The following AEBP2 variants were observed in gnomAD, a reference collection of about 807,000 sequenced individuals.
AEBP2 encodes zinc finger protein AEBP2.
AEBP2 carries 10 observed loss-of-function variants against 50.8 expected under a neutral mutation model. That is an observed-to-expected ratio of 0.20 (90% CI 0.12 to 0.33). AEBP2 has a LOEUF of 0.33. AEBP2 is among the 10% of genes least tolerant of loss of function. AEBP2 has a pLI of 1.00. For missense variants in AEBP2, 570 were observed against 688.0 expected, an observed-to-expected ratio of 0.83 and a Z score of 1.92; for synonymous variants, 296 against 261.3, an observed-to-expected ratio of 1.13 and a Z score of -1.28.
intron 1 of AEBP2, among the ~76,000 whole-genome samples, chr12:19,449,523 T>TTCCATAGACTATATTTCATCATTGTTGC (rs1948129759): frequency 1.3e-5 from 2 of 152,220 alleles, no homozygotes; most frequent in Non-Finnish European, 2.9e-5. Flanking sequence ...CCTACTTGTT[T>TTCCATAGACTATATTTCATCATTGTTGC]TCCATAGACT....
intron 1 of AEBP2, chr12:19,413,102 G>A (rs920633237): frequency 6.2e-6 from 4 of 644,874 alleles, no homozygotes; most frequent in African/African-American, 3.6e-5. Context: ...CAGCCGGGCC[G>A]AATTCAGTTT....
intron 1 of AEBP2, among the ~76,000 whole-genome samples, chr12:19,448,877 C>T (rs991182866): frequency 3.9e-5 from 6 of 151,918 alleles, no homozygotes; most frequent in African/African-American, 9.7e-5. Context: ...ATGGGGTCTC[C>T]GTGTGTTGCC....
chr12:19,430,479 G>A (rs562231702), intron 1 of AEBP2, among the ~76,000 whole-genome samples: 9 of 152,188 alleles, frequency 5.9e-5, no homozygotes, highest in East Asian at 1.9e-4. Context: ...GGTTCCATAC[G>A]GATTTTAAAG....
At chr12:19,465,351 G>T (rs958651157) in intron 2 of AEBP2, among the ~76,000 whole-genome samples, 2 of 151,860 alleles carry the variant, frequency 1.3e-5, no homozygotes, top group Non-Finnish European at 2.9e-5. Flanking sequence ...CTGAGATCAC[G>T]CCACTGCACT....
chr12:19,437,987 T>A (rs375631545), upstream of AEBP2, among the ~76,000 whole-genome samples: 140 of 152,328 alleles, frequency 9.2e-4, no homozygotes, highest in African/African-American at 3.2e-3. Flanking sequence ...GGCCTGAAAA[T>A]GTGTCCTTGG....
chr12:19,418,569 A>G (rs1243058320), intron 1 of AEBP2, among the ~76,000 whole-genome samples: 1 of 151,970 alleles, frequency 6.6e-6, no homozygotes, highest in Non-Finnish European at 1.5e-5. Flanking sequence ...CTAACTGCCA[A>G]TCAGAAAATA....
intron 2 of AEBP2, 148 bp downstream of exon 2, chr12:19,462,865 C>T: frequency 1.4e-6 from 1 of 724,562 alleles, no homozygotes; most frequent in South Asian, 2.1e-5. Flanking sequence ...TAATTATTTC[C>T]CATATACTTG....
At chr12:19,408,882 GAC>G (rs1349549844) in intron 1 of AEBP2, among the ~76,000 whole-genome samples, 1 of 148,950 alleles carries the variant, frequency 6.7e-6, no homozygotes, top group Non-Finnish European at 1.5e-5. Context: ...CAGCATGGGT[GAC>G]AGAGTGAGAC....
chr12:19,497,168 G>T (rs996310438), intron 4 of AEBP2, among the ~76,000 whole-genome samples: 4 of 150,728 alleles, frequency 2.7e-5, no homozygotes, highest in Non-Finnish European at 5.9e-5. Context: ...TACTTTTTTG[G>T]TCATGGACCC....
intron 2 of AEBP2, among the ~76,000 whole-genome samples, chr12:19,468,750 T>G (rs12809869): frequency 0.09 from 13,753 of 152,236 alleles, 705 homozygotes; most frequent in Middle Eastern, 0.15. Flanking sequence ...GTTTGTACCA[T>G]TCTTATTCAC....
intron 1 of AEBP2, among the ~76,000 whole-genome samples, chr12:19,409,651 C>G (rs2095738247): frequency 6.6e-6 from 1 of 152,114 alleles, no homozygotes. Flanking sequence ...AAACTGCAGT[C>G]TTATGGAAAT....
intron 2 of AEBP2, among the ~76,000 whole-genome samples, chr12:19,463,040 C>T (rs1948405180): frequency 6.6e-6 from 1 of 152,172 alleles, no homozygotes; most frequent in Non-Finnish European, 1.5e-5. Flanking sequence ...TTAGAATTAG[C>T]ACTTTCTTGA....
intron 3 of AEBP2, among the ~76,000 whole-genome samples, chr12:19,477,973 A>G (rs1948673961): frequency 6.6e-6 from 1 of 152,208 alleles, no homozygotes; most frequent in Non-Finnish European, 1.5e-5. Flanking sequence ...TCGTGCATGT[A>G]AAGGTGTTCA....
rs116602957 is a variant in AEBP2 at position 19,404,802 on chromosome 12, G to T, written c.-17+586G>T. ...GAGTTCTCAGTTCTCCCTTATCTGAGGTCTATGTGGCAGTGGATCCATTTG... is the reference window on the plus strand; with the variant it reads ...GAGTTCTCAGTTCTCCCTTATCTGATGTCTATGTGGCAGTGGATCCATTTG... On this transcript the variant is annotated intron_variant, in intron 1 of 3. Transcript: ENST00000538425. Among the ~76,000 whole-genome samples the T allele has an allele frequency of 3.4e-3, 525 of 152,184 alleles. 6 individuals are homozygous for T. Among genetic ancestry groups the T allele is most frequent in the African/African-American group, 0.012 (509 of 41,528 alleles).
At chr12:19,446,787 T>G (rs1359009451) in intron 1 of AEBP2, among the ~76,000 whole-genome samples, 2 of 149,266 alleles carry the variant, frequency 1.3e-5, no homozygotes, top group Non-Finnish European at 3.0e-5. Flanking sequence ...ATTAGCCAGA[T>G]GTGGTGTCAC....
intron 3 of AEBP2, among the ~76,000 whole-genome samples, chr12:19,483,175 G>C (rs1948755161): frequency 6.6e-6 from 1 of 152,122 alleles, no homozygotes; most frequent in African/African-American, 2.4e-5. Flanking sequence ...TCTACTGGCT[G>C]TCTTCTGCTA....
At chr12:19,489,901 G>T (rs1317749253) in intron 3 of AEBP2, among the ~76,000 whole-genome samples, 2 of 146,092 alleles carry the variant, frequency 1.4e-5, no homozygotes, top group East Asian at 4.1e-4. Flanking sequence ...ATTGATAAAT[G>T]ACCAAAATCA....
At chr12:19,458,320 C>A (rs917006908) in intron 1 of AEBP2, among the ~76,000 whole-genome samples, 10 of 152,142 alleles carry the variant, frequency 6.6e-5, no homozygotes, top group African/African-American at 2.4e-4. Context: ...TGGATACTTC[C>A]TAGAAGTTGG....
chr12:19,469,185 CAG>C (rs1204140733), intron 2 of AEBP2, among the ~76,000 whole-genome samples: 1 of 152,176 alleles, frequency 6.6e-6, no homozygotes, highest in African/African-American at 2.4e-5. Flanking sequence ...CTCGGCCTCT[CAG>C]AGTGCTGGGA....
Sources: allele counts gnomAD v4.1 joint callset (sites outside exome capture counted in the v4.1 genomes callset), GRCh38; gene constraint gnomAD v4.1.1; transcripts MANE v1.5; gene names NCBI Gene and HGNC (gene_info 2026-07-23, HGNC 2026-07-21).